ANKFN1: variants seen among roughly 807,000 people sequenced by gnomAD.
ANKFN1 encodes the protein ankyrin repeat and fibronectin type III domain containing 1, also known as ankyrin repeat and fibronectin type-III domain-containing protein 1.
Under a neutral mutation model 108.7 loss-of-function variants are expected in ANKFN1, and 74 were observed. That is an observed-to-expected ratio of 0.68 (90% CI 0.56 to 0.83). The LOEUF is 0.83. Ranked by LOEUF, ANKFN1 falls within the 40% of genes least tolerant of loss-of-function variation. The pLI is 0.00. For synonymous variants in ANKFN1, 547 were observed against 516.2 expected, an observed-to-expected ratio of 1.06 and a Z score of -0.81; for missense variants, 1,505 against 1,382.3, an observed-to-expected ratio of 1.09 and a Z score of -1.41.
intron 4 of ANKFN1, among the ~76,000 whole-genome samples, chr17:56,117,017 T>A (rs896282840): frequency 1.3e-5 from 2 of 152,158 alleles, no homozygotes; most frequent in Non-Finnish European, 1.5e-5. Flanking sequence ...AAGTTAAAAA[T>A]TTTTCAGCTC....
chr17:56,224,301 G>A (rs779849151), intron 2 of ANKFN1, among the ~76,000 whole-genome samples: 22 of 152,174 alleles, frequency 1.4e-4, no homozygotes, highest in Non-Finnish European at 2.6e-4. Flanking sequence ...GAATCAGTGG[G>A]ATAGAGAATA....
intron 8 of ANKFN1, among the ~76,000 whole-genome samples, chr17:56,415,823 G>A (rs1361379035): frequency 6.6e-6 from 1 of 152,118 alleles, no homozygotes; most frequent in Admixed American, 6.6e-5. Flanking sequence ...ATACTACAGA[G>A]CTATAATAAT....
chr17:56,277,407 A>G (rs188594230), intron 3 of ANKFN1, among the ~76,000 whole-genome samples: 417 of 152,148 alleles, frequency 2.7e-3, no homozygotes, highest in African/African-American at 9.6e-3. Context: ...TGACCTACAG[A>G]GTTATCCTGT....
chr17:56,360,090 T>G (rs2046476521), intron 6 of ANKFN1, among the ~76,000 whole-genome samples: 1 of 152,142 alleles, frequency 6.6e-6, no homozygotes, highest in Non-Finnish European at 1.5e-5. Context: ...CCAATAAGAA[T>G]ATGTAAAGAA....
intron 4 of ANKFN1, among the ~76,000 whole-genome samples, chr17:56,336,309 G>A (rs1036230779): frequency 2.2e-4 from 34 of 152,122 alleles, no homozygotes; most frequent in African/African-American, 7.0e-4. Context: ...GCTCCTCTTT[G>A]TACCTCTGGT....
At chr17:56,318,699 C>T (rs1343221153) in intron 3 of ANKFN1, among the ~76,000 whole-genome samples, 1 of 152,176 alleles carries the variant, frequency 6.6e-6, no homozygotes, top group Non-Finnish European at 1.5e-5. Flanking sequence ...GGGCCACCTT[C>T]CTTATTCCAC....
At chr17:56,496,281 C>T (rs2051199222) in intron 19 of ANKFN1, among the ~76,000 whole-genome samples, 1 of 152,102 alleles carries the variant, frequency 6.6e-6, no homozygotes, top group Admixed American at 6.6e-5. Context: ...CGCTAAATCC[C>T]TCTATTCATC....
chr17:56,151,832 G>T (rs192237018), upstream of ANKFN1, among the ~76,000 whole-genome samples: 108 of 152,210 alleles, frequency 7.1e-4, no homozygotes, highest in Non-Finnish European at 1.3e-3. Flanking sequence ...TTTTTGAAGC[G>T]GGCAGATACT....
intron 8 of ANKFN1, among the ~76,000 whole-genome samples, chr17:56,377,767 G>A (rs547932167): frequency 6.6e-5 from 10 of 152,300 alleles, no homozygotes. Flanking sequence ...TTGCAGGGTT[G>A]GGGGATGGTT....
intron 2 of ANKFN1, among the ~76,000 whole-genome samples, chr17:56,227,543 G>A (rs1916372414): frequency 6.6e-6 from 1 of 152,156 alleles, no homozygotes; most frequent in African/African-American, 2.4e-5. Context: ...TACAATGTCA[G>A]TGTGAACCAG....
At chr17:56,352,943 C>T (rs2046282377) in intron 5 of ANKFN1, among the ~76,000 whole-genome samples, 4 of 152,082 alleles carry the variant, frequency 2.6e-5, no homozygotes, top group Admixed American at 2.6e-4. Context: ...AATGTAGAGG[C>T]TGGGGATGGA....
intron 4 of ANKFN1, among the ~76,000 whole-genome samples, chr17:56,132,146 G>T (rs1336970254): frequency 6.6e-6 from 1 of 152,156 alleles, no homozygotes; most frequent in Non-Finnish European, 1.5e-5. Context: ...ATGTGCAGAG[G>T]CTGATCACTT....
chr17:56,151,516 T>C (rs932026012), upstream of ANKFN1, among the ~76,000 whole-genome samples: 2 of 152,316 alleles, frequency 1.3e-5, no homozygotes, highest in Non-Finnish European at 2.9e-5. Context: ...GTTGGGGCTA[T>C]TTCCAGCCTG....
intron 4 of ANKFN1, among the ~76,000 whole-genome samples, chr17:56,142,999 A>G (rs1908017279): frequency 6.6e-6 from 1 of 152,180 alleles, no homozygotes; most frequent in Admixed American, 6.5e-5. Flanking sequence ...GCTGAGACAG[A>G]TGACCCTCAC....
intron 3 of ANKFN1, among the ~76,000 whole-genome samples, chr17:56,265,360 G>A (rs2043621902): frequency 6.6e-6 from 1 of 152,120 alleles, no homozygotes; most frequent in African/African-American, 2.4e-5. Context: ...GAGAAGAAGG[G>A]AACTGCCAAA....
chr17:56,312,336 A>C (rs1757910658), intron 3 of ANKFN1, among the ~76,000 whole-genome samples: 1 of 152,188 alleles, frequency 6.6e-6, no homozygotes, highest in Admixed American at 6.5e-5. Context: ...TCTGTGGCCC[A>C]GCACTGCCTA....
At chr17:56,372,563 T>G in intron 6 of ANKFN1, 83 bp from the exon 7 acceptor site, 1 of 1,123,068 alleles carries the variant, frequency 8.9e-7, no homozygotes, top group Non-Finnish European at 1.3e-6. Flanking sequence ...TTTCAAATCA[T>G]AGTAAACTCT....
intron 4 of ANKFN1, among the ~76,000 whole-genome samples, chr17:56,105,711 C>CGTGTG (rs1555594334): frequency 6.9e-6 from 1 of 144,544 alleles, no homozygotes; most frequent in Non-Finnish European, 1.5e-5. Context: ...GTTTTTTTGT[C>CGTGTG]TGTGTGTGTG....
chr17:56,061,313 C>A (rs1041706304), intron 4 of ANKFN1, among the ~76,000 whole-genome samples: 1 of 118,462 alleles, frequency 8.4e-6, no homozygotes, highest in Non-Finnish European at 1.6e-5. Context: ...CTCTTGTCAC[C>A]CAGGCTGGAG....
Sources: gnomAD v4.1 joint callset for allele counts (sites outside exome capture counted in the v4.1 genomes callset) on GRCh38, gnomAD v4.1.1 for gene constraint, MANE v1.5 for transcripts, NCBI Gene and HGNC (gene_info 2026-07-23, HGNC 2026-07-21) for gene names.